BACH2: variants seen among roughly 807,000 people sequenced by gnomAD.
The protein encoded by BACH2 is transcription regulator protein BACH2.
Under a neutral mutation model 61.8 loss-of-function variants are expected in BACH2, and 5 were observed. The observed-to-expected ratio is 0.08, with a 90% CI of 0.04 to 0.17. The LOEUF is 0.17. BACH2 is among the 10% of genes least tolerant of loss of function. The pLI is 1.00. For missense variants in BACH2, 824 were observed against 1,091.1 expected, an observed-to-expected ratio of 0.76 and a Z score of 3.45; for synonymous variants, 446 against 440.1, an observed-to-expected ratio of 1.01 and a Z score of -0.17.
intron 5 of BACH2, among the ~76,000 whole-genome samples, chr6:90,074,613 C>T (rs1280906013): frequency 6.6e-6 from 1 of 152,190 alleles, no homozygotes; most frequent in African/African-American, 2.4e-5. Context: ...TACACTATTA[C>T]TGCAGTAGGG....
chr6:90,208,761 T>G (rs74768660), intron 3 of BACH2, among the ~76,000 whole-genome samples: 3,189 of 152,288 alleles, frequency 0.021, 123 homozygotes, highest in African/African-American at 0.072. Context: ...GATATATGTT[T>G]ATTGCAGCAC....
chr6:90,092,224 AC>A (rs1416281861), intron 4 of BACH2, among the ~76,000 whole-genome samples: 1 of 149,520 alleles, frequency 6.7e-6, no homozygotes, highest in Non-Finnish European at 1.5e-5. Flanking sequence ...CTTCGAAGCA[AC>A]CCACTTCTGT....
At position 89,978,842 on chromosome 6, in the gene BACH2, C is replaced by G. The variant is rs189918412; in HGVS notation, c.244-26980G>C. Among the ~76,000 whole-genome samples, 6 of 152,232 alleles carry G rather than the reference C, an allele frequency of 3.9e-5. No individual in the cohort carries two copies. In the East Asian group the frequency reaches 1.2e-3, roughly 29 times the overall value. ...CACGCTGTCCCTGACTTATAAACATCCCCTACTTTCTGAATAAGCTGTATG... is the reference window on the plus strand; with the variant it reads ...CACGCTGTCCCTGACTTATAAACATGCCCTACTTTCTGAATAAGCTGTATG... On this transcript the variant is annotated intron_variant, in intron 6 of 8. Transcript: ENST00000257749.
intron 6 of BACH2, among the ~76,000 whole-genome samples, chr6:90,005,781 G>A (rs1453460919): frequency 2.6e-5 from 4 of 152,178 alleles, no homozygotes; most frequent in Non-Finnish European, 2.9e-5. Context: ...ATGAATTTGC[G>A]TTTCATAAGA....
chr6:89,939,508 G>A lies in BACH2; in HGVS notation c.1837-1158C>T, dbSNP rs144538820. Among the ~76,000 whole-genome samples, 778 of 152,282 alleles carry A rather than the reference G, an allele frequency of 5.1e-3. 5 individuals carry two copies. The highest frequency in any genetic ancestry group is 0.02 in the Middle Eastern group (6 of 294). On this transcript the variant is annotated intron_variant, in intron 7 of 8. Coordinates refer to ENST00000257749, the MANE Select transcript of BACH2 (RefSeq NM_021813.4). ...TATTATGCAACAATAGACATTGGAT[G>A]CAGGTACTTGCCAGCAAAATTCCAA... is the stretch of plus-strand genomic sequence containing the variant.
intron 4 of BACH2, among the ~76,000 whole-genome samples, chr6:90,185,678 G>C (rs577027693): frequency 1.4e-3 from 215 of 152,260 alleles, no homozygotes; most frequent in South Asian, 2.1e-3. Context: ...ATCTGATGAT[G>C]GGTTATGAGG....
intron 3 of BACH2, among the ~76,000 whole-genome samples, chr6:90,237,707 T>G (rs1456328139): frequency 2.0e-5 from 3 of 152,224 alleles, no homozygotes; most frequent in African/African-American, 7.2e-5. Flanking sequence ...ATGAACCTGC[T>G]GGGAAATGTC....
intron 6 of BACH2, among the ~76,000 whole-genome samples, chr6:89,969,110 A>G (rs1174080647): frequency 2.1e-5 from 3 of 143,810 alleles, no homozygotes; most frequent in Non-Finnish European, 4.5e-5. Flanking sequence ...CTGGAGTGCA[A>G]TGGTGCGATC....
At chr6:90,140,446 A>G (rs886441591) in intron 4 of BACH2, among the ~76,000 whole-genome samples, 1 of 152,220 alleles carries the variant, frequency 6.6e-6, no homozygotes, top group African/African-American at 2.4e-5. Context: ...AGTAAACTAT[A>G]GTAATAGTAT....
In BACH2 at chr6:90,117,283, T is replaced by C. The variant is rs1783441445; in HGVS notation, c.-161-28174A>G. ...TCTTTCACCACTCCTCCTACCCTGC[T>C]CTCTGCTCCAGCCATCTTGAATTTC... On this transcript the variant is annotated intron_variant, in intron 4 of 8. Coordinates refer to ENST00000257749, the MANE Select transcript of BACH2 (RefSeq NM_021813.4). Among the ~76,000 whole-genome samples, 3 of 152,078 alleles carry C rather than the reference T, an allele frequency of 2.0e-5. No homozygotes were observed. In the South Asian group the frequency reaches 6.2e-4, roughly 32 times the overall value.
At chr6:90,164,713 C>T (rs955600434) in intron 4 of BACH2, among the ~76,000 whole-genome samples, 8 of 152,162 alleles carry the variant, frequency 5.3e-5, no homozygotes, top group African/African-American at 1.4e-4. Flanking sequence ...AGCTTATCCA[C>T]CATGATCAAG....
At chr6:89,955,781 G>A (rs966446603) in intron 6 of BACH2, among the ~76,000 whole-genome samples, 2 of 151,982 alleles carry the variant, frequency 1.3e-5, no homozygotes, top group Admixed American at 6.6e-5. Context: ...AGGTACCAGT[G>A]AAAAGCTGTA....
At chr6:90,102,803 T>C (rs1333049207) in intron 4 of BACH2, among the ~76,000 whole-genome samples, 1 of 121,944 alleles carries the variant, frequency 8.2e-6, no homozygotes, top group African/African-American at 3.1e-5. Flanking sequence ...ATAATAATAA[T>C]AATAATAATA....
intron 4 of BACH2, among the ~76,000 whole-genome samples, chr6:90,131,115 T>C (rs1784062936): frequency 6.6e-6 from 1 of 152,152 alleles, no homozygotes; most frequent in Non-Finnish European, 1.5e-5. Context: ...GGAGGACCAC[T>C]GGGGAAAAGG....
intron 5 of BACH2, among the ~76,000 whole-genome samples, chr6:90,076,955 C>A (rs1192246217): frequency 6.6e-6 from 1 of 152,176 alleles, no homozygotes; most frequent in East Asian, 1.9e-4. Flanking sequence ...AACTTTAAAG[C>A]ATTCTGTGAC....
At chr6:90,137,677 A>G (rs1184168578) in intron 4 of BACH2, among the ~76,000 whole-genome samples, 1 of 152,186 alleles carries the variant, frequency 6.6e-6, no homozygotes, top group African/African-American at 2.4e-5. Context: ...GATTTGTTGG[A>G]CATTTTTATG....
At chr6:90,128,147 C>T (rs1025414343) in intron 4 of BACH2, among the ~76,000 whole-genome samples, 14 of 152,180 alleles carry the variant, frequency 9.2e-5, no homozygotes, top group Non-Finnish European at 2.1e-4. Context: ...TCCTCCTCAG[C>T]ACCAAACTCT....
intron 1 of BACH2, among the ~76,000 whole-genome samples, chr6:90,290,267 C>T (rs935627276): frequency 6.6e-6 from 1 of 152,160 alleles, no homozygotes; most frequent in Non-Finnish European, 1.5e-5. Context: ...TTAAATCTGC[C>T]CATTAGACAC....
intron 1 of BACH2, among the ~76,000 whole-genome samples, chr6:90,277,567 G>A (rs1020824856): frequency 2.6e-5 from 4 of 152,174 alleles, no homozygotes; most frequent in African/African-American, 7.2e-5. Context: ...TTACAACAGC[G>A]TGTTCACTTT....
Sources: allele counts gnomAD v4.1 joint callset (sites outside exome capture counted in the v4.1 genomes callset), GRCh38; gene constraint gnomAD v4.1.1; transcripts MANE v1.5; gene names NCBI Gene and HGNC (gene_info 2026-07-23, HGNC 2026-07-21).